NLN: variants seen among roughly 807,000 people sequenced by gnomAD.
The protein encoded by NLN is neurolysin.
NLN carries 64 observed loss-of-function variants against 79.9 expected under a neutral mutation model. The observed-to-expected ratio is 0.80, with a 90% CI of 0.65 to 0.99. The LOEUF is 0.99. NLN is among the 50% of genes least tolerant of loss of function. The pLI, the probability that NLN is intolerant of heterozygous loss-of-function variation, is 0.00. For synonymous variants in NLN, 267 were observed against 296.6 expected (o/e 0.90, Z 1.02); for missense variants, 835 against 858.7 (o/e 0.97, Z 0.34).
chr5:65,724,592 A>T (rs774883452), intron 1 of NLN, among the ~76,000 whole-genome samples: 29 of 152,120 alleles, frequency 1.9e-4, no homozygotes, highest in Middle Eastern at 3.4e-3. Context: ...ATTCTTTGGG[A>T]TACTGTATGT....
rs897020852 is a variant in NLN at position 65,826,334 on chromosome 5, C to T, written c.*3419C>T. 1 of 152,216 alleles carries T rather than the reference C, an allele frequency of 6.6e-6. No homozygotes were observed. The highest frequency in any genetic ancestry group is 1.5e-5 in the Non-Finnish European group (1 of 68,062). 9.4% of individuals were successfully genotyped at this position (152,216 alleles called of 1,614,324 possible). On this transcript the variant is annotated 3_prime_UTR_variant, in exon 13 of 13. Coordinates refer to ENST00000380985, the MANE Select transcript of NLN (RefSeq NM_020726.5). ...AGTCACCCCCAACAAAGGCCCCACC[C>T]CCTAACCCCATCACATTGGCTGTTA...
chr5:65,822,760 T>C (rs780835913), intron 12 of NLN, 21 bp from the exon 13 acceptor site: 1 of 1,587,154 alleles, frequency 6.3e-7, no homozygotes, highest in South Asian at 1.1e-5. Flanking sequence ...AATTATTAGG[T>C]ATGATGTTTT....
chr5:65,793,764 T>G (rs1760114804), intron 9 of NLN: 1 of 152,156 alleles, frequency 6.6e-6, no homozygotes, highest in African/African-American at 2.4e-5. Flanking sequence ...AAAAACATTT[T>G]TATTAGGATA....
intron 11 of NLN, among the ~76,000 whole-genome samples, chr5:65,811,275 G>C (rs1445465850): frequency 1.3e-5 from 2 of 152,126 alleles, no homozygotes; most frequent in African/African-American, 4.8e-5. Flanking sequence ...TCCCCACATA[G>C]TAAGCCATAG....
chr5:65,738,998 T>TATA lies in NLN; in HGVS notation c.41+16584_41+16585insATA, dbSNP rs1561180396. Among the ~76,000 whole-genome samples the TATA allele has an allele frequency of 2.1e-3, 229 of 109,546 alleles. 3 individuals carry two copies. Among genetic ancestry groups the TATA allele is most frequent in the African/African-American group, 7.5e-3 (203 of 26,920 alleles). 71.9% of individuals were successfully genotyped at this position (109,546 alleles called of 152,430 possible). A position where few individuals can be genotyped will look rare whatever the true frequency, so the allele number is the denominator to read the frequency against. Reference sequence around the variant, plus strand: ...ATATATATTATATATTTATATATATTTTATAATATATATTTATATATATAA... The same window carrying TATA: ...ATATATATTATATATTTATATATATTATATTATAATATATATTTATATATATAA... On this transcript the variant is annotated intron_variant, in intron 1 of 12. Coordinates refer to ENST00000380985, the MANE Select transcript of NLN (RefSeq NM_020726.5).
At chr5:65,723,078 A>C (rs1009716693) in intron 1 of NLN, 1 of 152,278 alleles carries the variant, frequency 6.6e-6, no homozygotes, top group Admixed American at 6.5e-5. Context: ...ACCAGTAGCA[A>C]GATGGTGAGG....
At chr5:65,783,060 G>A (rs2150758372) in intron 6 of NLN, among the ~76,000 whole-genome samples, 1 of 152,242 alleles carries the variant, frequency 6.6e-6, no homozygotes, top group African/African-American at 2.4e-5. Flanking sequence ...TAAGGGACTT[G>A]ACAGAAGTCA....
rs780757332 is a variant in NLN, at chr5:65,809,658, C to T, written c.1671C>T (p.Asp557=). ...KHYKDGSPIA[D]DLLEKLVASR... Reference sequence around the variant, plus strand: ...ATAAAGATGGAAGCCCTATTGCAGACGATCTGCTTGAAAAACTTGTTGCTT... The same window carrying T: ...ATAAAGATGGAAGCCCTATTGCAGATGATCTGCTTGAAAAACTTGTTGCTT... Residue 557 remains aspartate, a synonymous_variant, in exon 10 of 13, where the codon GAC becomes GAT. Coordinates refer to ENST00000380985, the MANE Select transcript of NLN (RefSeq NM_020726.5). 2.0e-5 allele frequency: 33 copies of T among 1,611,612 alleles called. No homozygotes were observed. The highest frequency in any genetic ancestry group is 1.7e-4 in the South Asian group (15 of 90,318).
intron 1 of NLN, among the ~76,000 whole-genome samples, chr5:65,727,246 C>T (rs1030079788): frequency 4.6e-5 from 7 of 152,166 alleles, no homozygotes; most frequent in East Asian, 1.9e-4. Context: ...TGGCTCACTG[C>T]GGTCTCAAAC....
At chr5:65,760,478 T>G (rs1759314308) in intron 2 of NLN, among the ~76,000 whole-genome samples, 2 of 152,348 alleles carry the variant, frequency 1.3e-5, no homozygotes, top group South Asian at 4.1e-4. Context: ...AGGTGCTCAC[T>G]TCTTCAGTCA....
chr5:65,722,774 G>T (rs1758347912), intron 1 of NLN: 1 of 247,286 alleles, frequency 4.0e-6, no homozygotes, highest in Admixed American at 5.8e-5. Flanking sequence ...TAAAAGTGCC[G>T]CAGCTGTGGA....
At chr5:65,793,117 G>C in intron 9 of NLN, 1 of 279,300 alleles carries the variant, frequency 3.6e-6, no homozygotes, top group Non-Finnish European at 6.9e-6. Context: ...TAAAATCATA[G>C]ATAATATAGT....
chr5:65,768,359 A>T (rs1759499158), intron 3 of NLN, among the ~76,000 whole-genome samples: 1 of 152,172 alleles, frequency 6.6e-6, no homozygotes, highest in Admixed American at 6.5e-5. Flanking sequence ...GAGTGAACTT[A>T]GGGGAAGCAT....
Position 65,788,398 on chromosome 5 carries a change from T to G in NLN, c.1239T>G (p.Val413=). 7 of 1,614,172 alleles carry G rather than the reference T, an allele frequency of 4.3e-6. No individual in the cohort carries two copies. Among genetic ancestry groups the G allele is most frequent in the Non-Finnish European group, 5.9e-6 (7 of 1,180,010 alleles). ...LSFEQMTDAH[V]WNKSVTLYTV... is the part of the protein sequence containing the mutation. ...TTGAACAAATGACAGATGCTCATGTTTGGAACAAGAGTGTTACACTTTATA... is the reference window on the plus strand; with the variant it reads ...TTGAACAAATGACAGATGCTCATGTGTGGAACAAGAGTGTTACACTTTATA... Residue 413 remains valine, a synonymous_variant, in exon 8 of 13, where the codon GTT becomes GTG. Coordinates refer to ENST00000380985, the MANE Select transcript of NLN (RefSeq NM_020726.5).
At position 65,724,183 on chromosome 5, in the gene NLN, C is replaced by T. The variant is rs1475644145; in HGVS notation, c.41+1769C>T. 2.0e-5 allele frequency among the ~76,000 whole-genome samples: 3 copies of T among 151,198 alleles called. No individual in the cohort carries two copies. The South Asian group carries it at 6.2e-4, about 31-fold the overall frequency. Reference sequence around the variant, plus strand: ...TAAGTGTACAATTGAGAGGTACAGCCAACACCACTGTCCATCTCCAGAACT... The same window carrying T: ...TAAGTGTACAATTGAGAGGTACAGCTAACACCACTGTCCATCTCCAGAACT... On this transcript the variant is annotated intron_variant, in intron 1 of 12. Transcript: ENST00000380985.
chr5:65,759,422 A>G (rs1407730202), intron 2 of NLN, among the ~76,000 whole-genome samples: 1 of 150,154 alleles, frequency 6.7e-6, no homozygotes. Context: ...GTGTGTAAGT[A>G]TATATATATA....
At chr5:65,797,700 G>T (rs1760200923) in intron 9 of NLN, among the ~76,000 whole-genome samples, 1 of 152,214 alleles carries the variant, frequency 6.6e-6, no homozygotes, top group African/African-American at 2.4e-5. Context: ...ATATGTACGT[G>T]AAGTATTCTT....
At chr5:65,756,829 AG>A (rs1357617410) in intron 1 of NLN, among the ~76,000 whole-genome samples, 1 of 152,138 alleles carries the variant, frequency 6.6e-6, no homozygotes, top group Non-Finnish European at 1.5e-5. Context: ...ATGATTCCCA[AG>A]GCTCTTCATT....
chr5:65,785,991 T>C lies in NLN; in HGVS notation c.958+81T>C, dbSNP rs560644657. 5 of 1,238,224 alleles carry C rather than the reference T, an allele frequency of 4.0e-6. No individual in the cohort carries two copies. In the South Asian group the frequency reaches 5.4e-5, roughly 13 times the overall value. 76.7% of individuals were successfully genotyped at this position (1,238,224 alleles called of 1,614,324 possible). On this transcript the variant is annotated intron_variant, in intron 7 of 12. Transcript: ENST00000380985. ...GAAGGCCTCAGAACATAATATGCCT[T>C]TGAGGACATCCTACTTTTCCTTCAT...
Sources: allele counts gnomAD v4.1 joint callset (sites outside exome capture counted in the v4.1 genomes callset), GRCh38; gene constraint gnomAD v4.1.1; transcripts MANE v1.5; gene names NCBI Gene and HGNC (gene_info 2026-07-23, HGNC 2026-07-21).